HMGB1: variants seen among roughly 807,000 people sequenced by gnomAD.
HMGB1 encodes the protein high mobility group box 1.
For synonymous variants in HMGB1, 81 were observed against 84.0 expected (o/e 0.96, Z 0.19); for missense variants, 79 against 253.5 (o/e 0.31, Z 4.67).
chr13:30,565,688 G>T (rs1177521482), intron 1 of HMGB1, among the ~76,000 whole-genome samples: 1 of 152,168 alleles, frequency 6.6e-6, no homozygotes, highest in Non-Finnish European at 1.5e-5. Flanking sequence ...GATGCTGCTG[G>T]TCCATGGACC....
chr13:30,465,622 T>G, intron 1 of HMGB1, among the ~76,000 whole-genome samples, 174 bp downstream of exon 1: 1 of 150,290 alleles, frequency 6.7e-6, no homozygotes, highest in Non-Finnish European at 1.5e-5. Flanking sequence ...CGGGGCAGCG[T>G]TCCCGGCGCC....
upstream of HMGB1, among the ~76,000 whole-genome samples, chr13:30,466,671 T>C (rs1329367920): frequency 6.6e-6 from 1 of 152,222 alleles, no homozygotes; most frequent in Non-Finnish European, 1.5e-5. Context: ...TTTCACAGCA[T>C]GTCTAGAACT....
chr13:30,538,485 T>TC (rs1491099240), intron 1 of HMGB1, among the ~76,000 whole-genome samples: 4 of 32,650 alleles, frequency 1.2e-4, no homozygotes, highest in Admixed American at 1.1e-3. Flanking sequence ...TTTCTTTCTT[T>TC]CTTTCTTTCT....
chr13:30,596,933 T>C (rs1181133316), intron 1 of HMGB1, among the ~76,000 whole-genome samples: 1 of 152,250 alleles, frequency 6.6e-6, no homozygotes, highest in Non-Finnish European at 1.5e-5. Context: ...TTATATAGTA[T>C]GTAGGTGAAC....
At chr13:30,507,709 C>T (rs1299003746) in intron 1 of HMGB1, among the ~76,000 whole-genome samples, 1 of 152,190 alleles carries the variant, frequency 6.6e-6, no homozygotes, top group African/African-American at 2.4e-5. Context: ...CATCCCTACG[C>T]ACCCATCAAT....
At chr13:30,473,172 G>C (rs1168130398) in intron 1 of HMGB1, among the ~76,000 whole-genome samples, 1 of 152,148 alleles carries the variant, frequency 6.6e-6, no homozygotes, top group Admixed American at 6.5e-5. Context: ...CTCTTCCCCA[G>C]CTGCTTAAGT....
At chr13:30,464,724 C>G (rs1593256781) in intron 1 of HMGB1, 7 of 761,890 alleles carry the variant, frequency 9.2e-6, no homozygotes, top group African/African-American at 7.6e-5. Context: ...GCCGCCGCCG[C>G]GAGGGCGAGC....
intron 1 of HMGB1, among the ~76,000 whole-genome samples, chr13:30,538,549 CTTT>C (rs1868616318): frequency 2.4e-4 from 19 of 78,826 alleles, no homozygotes; most frequent in Admixed American, 6.9e-4. Flanking sequence ...TTCTTTCTTT[CTTT>C]CTTTTTCTTT....
Position 30,459,489 on chromosome 13 carries a change from T to C in HMGB1, c.*1868A>G, listed in dbSNP as rs1005627355. On this transcript the variant is annotated 3_prime_UTR_variant, in exon 5 of 5. Transcript: ENST00000341423. Reference sequence around the variant, plus strand: ...TATACAGTAGAAACTTCCATCTAAATCAGATTGAGTCATTTGCTCCTCTTA... The same window carrying C: ...TATACAGTAGAAACTTCCATCTAAACCAGATTGAGTCATTTGCTCCTCTTA... The C allele has an allele frequency of 3.3e-5, 5 of 152,150 alleles. No individual in the cohort carries two copies. The highest frequency in any genetic ancestry group is 1.2e-4 in the African/African-American group (5 of 41,440). The allele number at this position is 152,150 out of a possible 1,614,324, so 9.4% of individuals were successfully genotyped here.
intron 1 of HMGB1, among the ~76,000 whole-genome samples, chr13:30,551,851 A>T (rs1368328874): frequency 6.6e-6 from 1 of 152,044 alleles, no homozygotes; most frequent in Admixed American, 6.6e-5. Context: ...GACCACAGCC[A>T]TGTGCCACCA....
chr13:30,594,424 T>G (rs1460435801), intron 1 of HMGB1, among the ~76,000 whole-genome samples: 1 of 152,136 alleles, frequency 6.6e-6, no homozygotes, highest in Non-Finnish European at 1.5e-5. Flanking sequence ...GTTCCCATCT[T>G]TATGTCCATG....
intron 1 of HMGB1, among the ~76,000 whole-genome samples, chr13:30,527,399 G>A (rs1888393065): frequency 6.6e-6 from 1 of 152,148 alleles, no homozygotes; most frequent in Non-Finnish European, 1.5e-5. Flanking sequence ...GGTGAGTAAC[G>A]CCTGAGTTGG....
chr13:30,593,748 G>A (rs1047233646), intron 1 of HMGB1, among the ~76,000 whole-genome samples: 2 of 151,950 alleles, frequency 1.3e-5, no homozygotes, highest in African/African-American at 2.4e-5. Context: ...TCTACAACCC[G>A]AGTCTAATCA....
intron 1 of HMGB1, chr13:30,554,468 T>G (rs376568494): frequency 9.9e-6 from 10 of 1,008,288 alleles, no homozygotes; most frequent in African/African-American, 7.9e-5. Context: ...TCAACTGAGA[T>G]TCTCATACAT....
chr13:30,527,476 G>A (rs1265377934), intron 1 of HMGB1, among the ~76,000 whole-genome samples: 2 of 151,786 alleles, frequency 1.3e-5, no homozygotes, highest in South Asian at 2.1e-4. Flanking sequence ...CAGTGGCTGG[G>A]GACTTGCTTC....
At chr13:30,464,994 C>T (rs1886668795) in intron 1 of HMGB1, 1 of 163,698 alleles carries the variant, frequency 6.1e-6, no homozygotes, top group African/African-American at 2.6e-5. Context: ...CCCCGTCTCC[C>T]TCCGCGCGGG....
chr13:30,549,528 G>T (rs1230927623), intron 1 of HMGB1, among the ~76,000 whole-genome samples: 2 of 152,070 alleles, frequency 1.3e-5, no homozygotes, highest in African/African-American at 4.8e-5. Context: ...GACTACAGGT[G>T]CAGGCCACCA....
intron 1 of HMGB1, among the ~76,000 whole-genome samples, chr13:30,538,803 C>CTTTCTTCCTT (rs1241545897): frequency 5.2e-5 from 7 of 134,686 alleles, no homozygotes; most frequent in South Asian, 2.3e-4. Context: ...TTCTTCCTTT[C>CTTTCTTCCTT]TCTCTCTCTC....
At chr13:30,547,962 A>G (rs1224004706) in intron 1 of HMGB1, among the ~76,000 whole-genome samples, 3 of 152,226 alleles carry the variant, frequency 2.0e-5, no homozygotes, top group Non-Finnish European at 4.4e-5. Flanking sequence ...AGGAGAAAAT[A>G]AAAGTTATCA....
Sources: allele counts gnomAD v4.1 joint callset (sites outside exome capture counted in the v4.1 genomes callset), GRCh38; gene constraint gnomAD v4.1.1; transcripts MANE v1.5; gene names NCBI Gene and HGNC (gene_info 2026-07-23, HGNC 2026-07-21).